Variants in CCT7 observed in about 807,000 individuals in gnomAD.
CCT7 encodes T-complex protein 1 subunit eta.
In CCT7, 16 loss-of-function variants were observed where a neutral mutation model predicts 56.6. The ratio of observed to expected loss-of-function variants is 0.28; its 90% confidence interval spans 0.19 to 0.43. The LOEUF (loss-of-function observed/expected upper bound fraction) is 0.43. Ranked by LOEUF, CCT7 falls within the 20% of genes least tolerant of loss-of-function variation. The pLI is 1.00. For synonymous variants in CCT7, 262 were observed against 254.8 expected, an observed-to-expected ratio of 1.03 and a Z score of -0.27; for missense variants, 519 against 685.6, an observed-to-expected ratio of 0.76 and a Z score of 2.71.
chr2:73,237,642 A>G (rs918406709), intron 1 of CCT7: 1 of 152,324 alleles, frequency 6.6e-6, no homozygotes, highest in East Asian at 1.9e-4. Context: ...GGGACACTCC[A>G]GCAAAAGGAA....
chr2:73,236,617 G>C (rs984940930), intron 1 of CCT7, among the ~76,000 whole-genome samples: 3 of 152,214 alleles, frequency 2.0e-5, no homozygotes, highest in Admixed American at 1.3e-4. Flanking sequence ...GGGATTACAG[G>C]CGTGAGCCAC....
Position 73,252,779 on chromosome 2 carries a change from A to G in CCT7, c.1550A>G (p.Asp517Gly). 6.2e-7 allele frequency: 1 copy of G among 1,614,116 alleles called. No individual in the cohort carries two copies. Among genetic ancestry groups the G allele is most frequent in the Non-Finnish European group, 8.5e-7 (1 of 1,180,028 alleles). The change falls in exon 12 of 12, where the codon GAT becomes GGT. Residue 517 changes from aspartate (D) to glycine (G), a missense_variant. Coordinates refer to ENST00000258091, the MANE Select transcript of CCT7 (RefSeq NM_006429.4). ...GCTGCGTGCCTGATCGTGTCTGTAG[A>G]TGAAACCATCAAGAACCCCCGCTCG... ...SEAACLIVSV[D>G]ETIKNPRSTV...
At chr2:73,242,762 C>T (rs998658250) in intron 3 of CCT7, among the ~76,000 whole-genome samples, 4 of 152,150 alleles carry the variant, frequency 2.6e-5, no homozygotes, top group African/African-American at 4.8e-5. Flanking sequence ...CCACATCAGC[C>T]CTCTTTAGAG....
chr2:73,242,119 C>CTT (rs113462777), intron 3 of CCT7, among the ~76,000 whole-genome samples: 2 of 143,592 alleles, frequency 1.4e-5, no homozygotes, highest in African/African-American at 5.1e-5. Context: ...TGAAAGTTAC[C>CTT]TTTTTTTTTT....
intron 11 of CCT7, among the ~76,000 whole-genome samples, chr2:73,251,775 T>C (rs1395210783): frequency 6.6e-6 from 1 of 152,096 alleles, no homozygotes; most frequent in Non-Finnish European, 1.5e-5. Flanking sequence ...CTATGTCTAC[T>C]AAAAATACAA....
At chr2:73,246,410 T>G (rs1379747701) in intron 6 of CCT7, among the ~76,000 whole-genome samples, 1 of 152,220 alleles carries the variant, frequency 6.6e-6, no homozygotes, top group Non-Finnish European at 1.5e-5. Flanking sequence ...ATTACCATTG[T>G]TCCATTTTAC....
At chr2:73,247,611 A>T (rs1037174770) in intron 6 of CCT7, 151 bp from the exon 7 acceptor site, 1 of 584,508 alleles carries the variant, frequency 1.7e-6, no homozygotes, top group African/African-American at 1.9e-5. Flanking sequence ...CTTCGATTTT[A>T]TGATAACAGA....
Position 73,238,831 on chromosome 2 carries a change from A to C in CCT7, c.7-812A>C, listed in dbSNP as rs146053380. On this transcript the variant is annotated intron_variant, in intron 1 of 11. Coordinates refer to ENST00000258091, the MANE Select transcript of CCT7 (RefSeq NM_006429.4). ...CTAATAATGGTGGTCACTAGAGCAA[A>C]GATATCTGAGCGGGCCCTTTAAAAC... 3.0e-3 allele frequency among the ~76,000 whole-genome samples: 460 copies of C among 152,310 alleles called. 3 individuals are homozygous for C. The highest frequency in any genetic ancestry group is 0.014 in the Middle Eastern group (4 of 294).
At chr2:73,243,886 G>A in intron 4 of CCT7, 111 bp from the exon 5 acceptor site, 1 of 931,950 alleles carries the variant, frequency 1.1e-6, no homozygotes, top group Non-Finnish European at 1.7e-6. Flanking sequence ...CTGTAGAGTA[G>A]AAATGCTTAG....
In CCT7 at chr2:73,239,508, C is replaced by T. The variant is rs1460974301; in HGVS notation, c.7-135C>T. The T allele has an allele frequency of 9.4e-6, 7 of 744,840 alleles. No homozygotes were observed. In the Admixed American group the frequency reaches 1.7e-4, roughly 18 times the overall value. The allele number at this position is 744,840 out of a possible 1,614,324, so 46.1% of individuals were successfully genotyped here. On this transcript the variant is annotated intron_variant, in intron 1 of 11. Transcript: ENST00000258091. ...CTGGTTGGGGAATGGATGTGGTAGA[C>T]AGTTGGGGGAATGTGGTTTAAGAAG...
intron 6 of CCT7, among the ~76,000 whole-genome samples, chr2:73,246,681 T>C (rs1396438069): frequency 6.7e-6 from 1 of 148,800 alleles, no homozygotes; most frequent in East Asian, 1.9e-4. Context: ...TGGCTGGTTC[T>C]TACCCTCTAA....
intron 1 of CCT7, among the ~76,000 whole-genome samples, chr2:73,236,757 C>A (rs1473372749): frequency 1.3e-5 from 2 of 152,200 alleles, no homozygotes; most frequent in African/African-American, 4.8e-5. Flanking sequence ...GAGGACCTAT[C>A]CTGCTTGTCT....
At chr2:73,251,197 T>C in intron 10 of CCT7, 29 bp from the exon 11 acceptor site, 1 of 1,607,118 alleles carries the variant, frequency 6.2e-7, no homozygotes, top group South Asian at 1.1e-5. Flanking sequence ...GGGGCCCTCT[T>C]ACATTGAGAG....
At chr2:73,248,012 C>A in intron 7 of CCT7, 86 bp downstream of exon 7, 1 of 1,129,318 alleles carries the variant, frequency 8.9e-7, no homozygotes, top group Non-Finnish European at 1.3e-6. Context: ...ATTGTGGGCC[C>A]CTTTCTCTTC....
In CCT7 at chr2:73,251,234, A is replaced by G. The variant is rs1022923963; in HGVS notation, c.1212A>G (p.Ser404=). The change falls in exon 11 of 12, where the codon TCA becomes TCG. Residue 404 remains serine (S), a synonymous_variant. Transcript: ENST00000258091. ...TGGTCTGATCTCTGCAGAATGATTC[A>G]GTGGTGGCTGGTGGCGGGGCCATTG... is the stretch of plus-strand genomic sequence containing the variant. ...MIVRRAIKND[S]VVAGGGAIEM... The G allele has an allele frequency of 8.1e-6, 13 of 1,614,024 alleles. No individual in the cohort carries two copies. In the South Asian group the frequency reaches 9.9e-5, roughly 12 times the overall value.
chr2:73,240,455 A>C lies in CCT7; in HGVS notation c.179A>C (p.Asn60Thr), dbSNP rs773600513. 4 of 1,611,714 alleles carry C rather than the reference A, an allele frequency of 2.5e-6. No homozygotes were observed. The South Asian group carries it at 4.4e-5, about 18-fold the overall frequency. ...TTTTAAGGCAAAGCAACAATTTCTA[A>C]TGATGGGGCCACAATTCTGAAACTT... is the stretch of plus-strand genomic sequence containing the variant. Reference protein sequence around the residue: ...VDGRGKATISNDGATILKLLD... With the variant: ...VDGRGKATISTDGATILKLLD... Residue 60 changes from asparagine (N) to threonine (T), a missense_variant, in exon 3 of 12, where the codon AAT becomes ACT. This residue lies in a region of CCT7 where 276 missense variants were observed against 357.3 expected (regional missense o/e 0.77). Transcript: ENST00000258091.
At chr2:73,251,458 CAG>C in intron 11 of CCT7, 26 bp downstream of exon 11, 3 of 1,153,842 alleles carry the variant, frequency 2.6e-6, no homozygotes, top group Non-Finnish European at 3.7e-6. Context: ...CCCCAGGGTT[CAG>C]GGTTTGGGCG....
chr2:73,245,007 A>G (rs1181321564), intron 6 of CCT7, among the ~76,000 whole-genome samples: 1 of 152,216 alleles, frequency 6.6e-6, no homozygotes, highest in African/African-American at 2.4e-5. Context: ...AGCTCAAATC[A>G]TCAATGACCT....
chr2:73,248,698 G>A (rs1687449056), intron 7 of CCT7, among the ~76,000 whole-genome samples: 1 of 152,088 alleles, frequency 6.6e-6, no homozygotes, highest in Non-Finnish European at 1.5e-5. Context: ...CACCTCAGAA[G>A]AGTCTAGACC....
Sources: gnomAD v4.1 joint callset for allele counts (sites outside exome capture counted in the v4.1 genomes callset) on GRCh38, gnomAD v4.1.1 for gene constraint, gnomAD v4.1.1 regional missense constraint, MANE v1.5 for transcripts, NCBI Gene and HGNC (gene_info 2026-07-23, HGNC 2026-07-21) for gene names.